CDYL2: variants seen among roughly 807,000 people sequenced by gnomAD.
The protein encoded by CDYL2 is chromodomain Y-like protein 2.
CDYL2 carries 23 observed loss-of-function variants against 49.4 expected under a neutral mutation model. The ratio of observed to expected loss-of-function variants is 0.47; its 90% CI spans 0.34 to 0.66. CDYL2 has a LOEUF of 0.66. Ranked by LOEUF, CDYL2 falls within the 30% of genes least tolerant of loss-of-function variation. The pLI is 0.01. For synonymous variants in CDYL2, 360 were observed against 268.8 expected (o/e 1.34, Z -3.32); for missense variants, 678 against 656.4 (o/e 1.03, Z -0.36).
intron 1 of CDYL2, among the ~76,000 whole-genome samples, chr16:80,802,697 T>G (rs747130378): frequency 2.0e-5 from 3 of 152,078 alleles, no homozygotes; most frequent in Non-Finnish European, 2.9e-5. Flanking sequence ...CCTCACCAAC[T>G]CCAGAATCAT....
At chr16:80,621,044 G>A (rs1907063482) in intron 3 of CDYL2, 109 bp from the exon 4 acceptor site, 3 of 1,249,362 alleles carry the variant, frequency 2.4e-6, no homozygotes, top group South Asian at 1.7e-5. Context: ...TAGAGGCCAG[G>A]GAATCTGCTT....
chr16:80,783,373 T>C (rs1907333883), intron 1 of CDYL2, among the ~76,000 whole-genome samples: 1 of 152,204 alleles, frequency 6.6e-6, no homozygotes, highest in African/African-American at 2.4e-5. Flanking sequence ...TAACAAGTGT[T>C]GGCAAGGACG....
chr16:80,759,391 G>A (rs1906450612), intron 1 of CDYL2, among the ~76,000 whole-genome samples: 1 of 151,942 alleles, frequency 6.6e-6, no homozygotes, highest in Admixed American at 6.6e-5. Context: ...CTAGTCCTAA[G>A]CAATGTGATT....
intron 1 of CDYL2, among the ~76,000 whole-genome samples, 176 bp downstream of exon 1, chr16:80,803,974 G>A (rs1211568192): frequency 2.9e-5 from 4 of 136,686 alleles, no homozygotes; most frequent in African/African-American, 1.1e-4. Context: ...GGCGGCGGGC[G>A]GCGGGCGGGA....
rs993252614 is a variant in CDYL2, at chr16:80,721,120, A to C, written c.25-35991T>G. 2.0e-5 allele frequency among the ~76,000 whole-genome samples: 3 copies of C among 152,166 alleles called. No homozygotes were observed. In the East Asian group the frequency reaches 5.8e-4, roughly 29 times the overall value. ...TCTCAGTGCCCCCACTTCTTGACCA[A>C]AACAAGAAGTACAAAAATCCCAGTG... is the stretch of plus-strand genomic sequence containing the variant. On this transcript the variant is annotated intron_variant, in intron 1 of 6. Coordinates refer to ENST00000570137, the MANE Select transcript of CDYL2 (RefSeq NM_152342.4).
intron 1 of CDYL2, among the ~76,000 whole-genome samples, chr16:80,772,509 G>C (rs1421233321): frequency 1.3e-5 from 2 of 152,222 alleles, no homozygotes; most frequent in South Asian, 2.1e-4. Context: ...CTGGAATGCA[G>C]TGGCATGATC....
At position 80,608,146 on chromosome 16, in the gene CDYL2, C is replaced by T. The variant is rs1227115620; in HGVS notation, c.1308G>A (p.Thr436=). Residue 436 remains threonine, a synonymous_variant, in exon 6 of 7, where the codon ACG becomes ACA. Transcript: ENST00000570137. ...CCCGCAGCATGACCTCCTGGCTGAA[C>T]GTGGTGGGCCAGAAGACCTGCGACA... The part of the protein sequence containing the change: ...GLVSQVFWPT[T]FSQEVMLRVK... 9.3e-6 allele frequency: 15 copies of T among 1,605,560 alleles called. No homozygotes were observed. Among genetic ancestry groups the T allele is most frequent in the East Asian group, 4.5e-5 (2 of 44,616 alleles).
chr16:80,767,962 T>C lies in CDYL2; in HGVS notation c.24+36188A>G, dbSNP rs1906782491. On this transcript the variant is annotated intron_variant, in intron 1 of 6. Coordinates refer to ENST00000570137, the MANE Select transcript of CDYL2 (RefSeq NM_152342.4). Reference sequence around the variant, plus strand: ...GCAACTTTACGGATGCAGGGCTGTATGAATACTGAGCTCTTAAAATGAATT... The same window carrying C: ...GCAACTTTACGGATGCAGGGCTGTACGAATACTGAGCTCTTAAAATGAATT... Among the ~76,000 whole-genome samples the C allele has an allele frequency of 2.0e-5, 3 of 152,340 alleles. No individual in the cohort carries two copies. The South Asian group carries it at 6.2e-4, about 32-fold the overall frequency.
At chr16:80,648,794 A>G (rs1310012163) in intron 2 of CDYL2, among the ~76,000 whole-genome samples, 1 of 152,168 alleles carries the variant, frequency 6.6e-6, no homozygotes, top group East Asian at 1.9e-4. Context: ...TGTCAAAAAA[A>G]TCATGACCAA....
chr16:80,666,603 A>G (rs1428630548), intron 2 of CDYL2, among the ~76,000 whole-genome samples: 1 of 152,208 alleles, frequency 6.6e-6, no homozygotes, highest in East Asian at 1.9e-4. Context: ...AGATGAGCCA[A>G]TGGGAAGGGA....
At chr16:80,704,166 C>A (rs992763026) in intron 1 of CDYL2, among the ~76,000 whole-genome samples, 1 of 152,218 alleles carries the variant, frequency 6.6e-6, no homozygotes, top group African/African-American at 2.4e-5. Flanking sequence ...CTTTCGCACC[C>A]TCATCCAAGC....
At chr16:80,783,782 G>C (rs1907346622) in intron 1 of CDYL2, among the ~76,000 whole-genome samples, 1 of 152,174 alleles carries the variant, frequency 6.6e-6, no homozygotes. Flanking sequence ...ATTAGGCTGA[G>C]TTTTAAAAAG....
chr16:80,733,320 A>G (rs560785494), intron 1 of CDYL2, among the ~76,000 whole-genome samples: 1 of 152,244 alleles, frequency 6.6e-6, no homozygotes, highest in African/African-American at 2.4e-5. Flanking sequence ...GGGAGCGGTC[A>G]GGGATGGAAT....
intron 2 of CDYL2, among the ~76,000 whole-genome samples, chr16:80,655,634 G>C (rs1483013654): frequency 3.9e-5 from 6 of 152,156 alleles, no homozygotes; most frequent in Admixed American, 3.9e-4. Flanking sequence ...CAGAGGCAAA[G>C]AGACCCTCCT....
chr16:80,741,773 T>C (rs3098596), intron 1 of CDYL2, among the ~76,000 whole-genome samples: 1,812 of 152,274 alleles, frequency 0.012, 36 homozygotes, highest in African/African-American at 0.042. Flanking sequence ...AATTAAATAA[T>C]CGCCCAGCAT....
chr16:80,727,857 C>A (rs932026670), intron 1 of CDYL2, among the ~76,000 whole-genome samples: 12 of 152,112 alleles, frequency 7.9e-5, no homozygotes, highest in South Asian at 6.2e-4. Flanking sequence ...CTCACACGGC[C>A]AGGTACTCCA....
Position 80,602,113 on chromosome 16 carries a change from G to T in CDYL2, c.*2275C>A, listed in dbSNP as rs140687245. The T allele has an allele frequency of 6.6e-6, 1 of 152,320 alleles. No individual in the cohort carries two copies. Among genetic ancestry groups the T allele is most frequent in the East Asian group, 1.9e-4 (1 of 5,192 alleles). The allele number at this position is 152,320 out of a possible 1,614,324, so 9.4% of individuals were successfully genotyped here. ...CTAATGAAAATTTAGCAGTAGTGAAGACACTGTCTGCCACAATATGTAAGA... is the reference window on the plus strand; with the variant it reads ...CTAATGAAAATTTAGCAGTAGTGAATACACTGTCTGCCACAATATGTAAGA... On this transcript the variant is annotated 3_prime_UTR_variant, in exon 7 of 7. Transcript: ENST00000570137.
chr16:80,632,281 T>C (rs1230146904), intron 3 of CDYL2, among the ~76,000 whole-genome samples: 5 of 152,168 alleles, frequency 3.3e-5, no homozygotes, highest in Non-Finnish European at 5.9e-5. Context: ...GGATGAAACA[T>C]GAAAACATGC....
chr16:80,620,468 A>T (rs1907029479), intron 4 of CDYL2, among the ~76,000 whole-genome samples: 1 of 152,202 alleles, frequency 6.6e-6, no homozygotes, highest in Non-Finnish European at 1.5e-5. Flanking sequence ...GCAAATAAAA[A>T]ATCTTTCCGA....
Sources: allele counts gnomAD v4.1 joint callset (sites outside exome capture counted in the v4.1 genomes callset), GRCh38; gene constraint gnomAD v4.1.1; transcripts MANE v1.5; gene names NCBI Gene and HGNC (gene_info 2026-07-23, HGNC 2026-07-21).